Variants in GLIS1 observed in about 807,000 individuals in gnomAD.
GLIS1 encodes GLIS family zinc finger 1.
A neutral mutation model predicts 63.8 loss-of-function variants in GLIS1; 24 were observed. The observed-to-expected ratio is 0.38, with a 90% CI of 0.27 to 0.53. The LOEUF (loss-of-function observed/expected upper bound fraction) is 0.53. Ranked by LOEUF, GLIS1 falls within the 20% of genes least tolerant of loss-of-function variation. The probability of loss-of-function intolerance (pLI) is 0.85; values close to 1 mark genes in which losing one functional copy is unlikely to be tolerated. For synonymous variants in GLIS1, 450 were observed against 482.5 expected (o/e 0.93, Z 0.88); for missense variants, 1,036 against 1,074.1 (o/e 0.96, Z 0.50).
intron 2 of GLIS1, among the ~76,000 whole-genome samples, chr1:53,717,394 T>C (rs959521140): frequency 6.6e-6 from 1 of 152,196 alleles, no homozygotes; most frequent in Admixed American, 6.5e-5. Flanking sequence ...CATACATACC[T>C]ACTCACCTTT....
At chr1:53,655,737 A>T (rs1645958651) in intron 2 of GLIS1, among the ~76,000 whole-genome samples, 1 of 152,130 alleles carries the variant, frequency 6.6e-6, no homozygotes, top group South Asian at 2.1e-4. Context: ...CCTTGCCTAC[A>T]TGGGGGTCTG....
chr1:53,519,779 C>T (rs1318522994), intron 7 of GLIS1, among the ~76,000 whole-genome samples: 2 of 152,184 alleles, frequency 1.3e-5, no homozygotes, highest in African/African-American at 2.4e-5. Context: ...CAGAGTTTAG[C>T]GATGAGCTGG....
intron 10 of GLIS1, among the ~76,000 whole-genome samples, 191 bp downstream of exon 10, chr1:53,508,929 C>T (rs1261512748): frequency 2.0e-5 from 3 of 152,250 alleles, no homozygotes; most frequent in Non-Finnish European, 4.4e-5. Context: ...ATGCACTTTC[C>T]AGTCAGGCAG....
intron 2 of GLIS1, among the ~76,000 whole-genome samples, chr1:53,735,910 G>T (rs1171143250): frequency 6.6e-6 from 1 of 152,166 alleles, no homozygotes; most frequent in African/African-American, 2.4e-5. Context: ...ACAGAGGCCA[G>T]CAGGGAAACC....
intron 2 of GLIS1, among the ~76,000 whole-genome samples, chr1:53,723,860 T>A (rs1646780264): frequency 6.6e-6 from 1 of 152,188 alleles, no homozygotes; most frequent in Non-Finnish European, 1.5e-5. Context: ...TCCAGGAACC[T>A]ACAAGAATAA....
At chr1:53,571,582 A>T (rs577920596) in intron 4 of GLIS1, among the ~76,000 whole-genome samples, 17 of 148,550 alleles carry the variant, frequency 1.1e-4, no homozygotes, top group South Asian at 8.5e-4. Flanking sequence ...ATGGATAAAA[A>T]TTTTTTTTTT....
chr1:53,544,353 G>C (rs66544827), intron 4 of GLIS1, among the ~76,000 whole-genome samples: 30,879 of 152,132 alleles, frequency 0.2, 3,529 homozygotes, highest in South Asian at 0.33. Context: ...GGGAGCCAGG[G>C]TGCAGTCCGG....
chr1:53,669,667 C>T (rs1195937163), intron 2 of GLIS1, among the ~76,000 whole-genome samples: 3 of 152,212 alleles, frequency 2.0e-5, no homozygotes, highest in African/African-American at 4.8e-5. Flanking sequence ...GATGTCTGGG[C>T]TCCATAGCCC....
At chr1:53,660,056 C>A (rs1194577553) in intron 2 of GLIS1, among the ~76,000 whole-genome samples, 6 of 152,190 alleles carry the variant, frequency 3.9e-5, no homozygotes, top group East Asian at 1.9e-4. Context: ...AAGGTCCCGG[C>A]CAGCTCAACA....
intron 2 of GLIS1, among the ~76,000 whole-genome samples, chr1:53,642,109 G>A (rs1645793355): frequency 6.6e-6 from 1 of 152,218 alleles, no homozygotes; most frequent in African/African-American, 2.4e-5. Context: ...AGAGCTTGTG[G>A]GGCCAGGCCA....
intron 2 of GLIS1, among the ~76,000 whole-genome samples, chr1:53,701,425 G>A (rs888900750): frequency 1.3e-5 from 2 of 152,196 alleles, no homozygotes; most frequent in Admixed American, 6.5e-5. Context: ...GAGCCTCCCA[G>A]AGCTCCCAGC....
intron 4 of GLIS1, among the ~76,000 whole-genome samples, chr1:53,593,461 G>A: frequency 6.6e-6 from 1 of 152,234 alleles, no homozygotes; most frequent in East Asian, 1.9e-4. Context: ...GCATGTGTGT[G>A]TGCACGTGCG....
chr1:53,524,269 G>A (rs555091534), intron 6 of GLIS1, among the ~76,000 whole-genome samples: 2 of 152,150 alleles, frequency 1.3e-5, no homozygotes, highest in Non-Finnish European at 2.9e-5. Flanking sequence ...CATGCCTGAC[G>A]CCACTTCCTC....
chr1:53,527,448 G>C (rs1644482506), intron 5 of GLIS1, among the ~76,000 whole-genome samples: 1 of 152,232 alleles, frequency 6.6e-6, no homozygotes, highest in Non-Finnish European at 1.5e-5. Context: ...TGCCTCAGCT[G>C]ACCTCCCTCG....
intron 2 of GLIS1, among the ~76,000 whole-genome samples, chr1:53,623,048 C>G (rs563225154): frequency 6.6e-6 from 1 of 152,226 alleles, no homozygotes; most frequent in East Asian, 1.9e-4. Flanking sequence ...ACTTATGCTG[C>G]TTCTTAGTTT....
Position 53,506,474 on chromosome 1 carries a change from G to T in GLIS1, c.*145C>A. 1.2e-6 allele frequency: 1 copy of T among 806,650 alleles called. No homozygotes were observed. The highest frequency in any genetic ancestry group is 1.9e-6 in the Non-Finnish European group (1 of 516,296). 50.0% of individuals were successfully genotyped at this position (806,650 alleles called of 1,614,324 possible). ...GCTCCCTGGCAGCGCTGGGTGGGGTGGCAGCGCTGGCTCCCCTGGGTCATG... is the reference window on the plus strand; with the variant it reads ...GCTCCCTGGCAGCGCTGGGTGGGGTTGCAGCGCTGGCTCCCCTGGGTCATG... On this transcript the variant is annotated 3_prime_UTR_variant, in exon 11 of 11. Transcript: ENST00000628545.
intron 5 of GLIS1, among the ~76,000 whole-genome samples, chr1:53,527,714 C>A (rs1349049638): frequency 1.3e-5 from 2 of 152,246 alleles, no homozygotes; most frequent in Non-Finnish European, 2.9e-5. Context: ...CCTCTGGGGG[C>A]AGGTGCTGGG....
chr1:53,524,611 G>A (rs984266577), intron 6 of GLIS1, among the ~76,000 whole-genome samples, 166 bp downstream of exon 6: 1 of 152,168 alleles, frequency 6.6e-6, no homozygotes, highest in Non-Finnish European at 1.5e-5. Flanking sequence ...AGACACTAAG[G>A]GCAGGTGGGA....
At chr1:53,706,209 C>T (rs936019358) in intron 2 of GLIS1, among the ~76,000 whole-genome samples, 4 of 152,142 alleles carry the variant, frequency 2.6e-5, no homozygotes, top group Non-Finnish European at 5.9e-5. Flanking sequence ...AATGACAGAG[C>T]GGGGACCTGG....
Sources: gnomAD v4.1 joint callset for allele counts (sites outside exome capture counted in the v4.1 genomes callset) on GRCh38, gnomAD v4.1.1 for gene constraint, MANE v1.5 for transcripts, NCBI Gene and HGNC (gene_info 2026-07-23, HGNC 2026-07-21) for gene names.